Variants in FANCC observed in about 807,000 individuals in gnomAD.
FANCC encodes the protein Fanconi anemia group C protein.
In FANCC, 55 loss-of-function variants were observed where a neutral mutation model predicts 71.3. That is an observed-to-expected ratio of 0.77 (90% CI 0.62 to 0.97). FANCC has a LOEUF of 0.97. FANCC is among the 50% of genes least tolerant of loss of function. FANCC has a pLI of 0.00. For missense variants in FANCC, 678 were observed against 670.9 expected (o/e 1.01, Z -0.12); for synonymous variants, 275 against 244.9 (o/e 1.12, Z -1.15).
At chr9:95,106,920 C>G in intron 14 of FANCC, 146 bp downstream of exon 14, 1 of 790,556 alleles carries the variant, frequency 1.3e-6, no homozygotes, top group African/African-American at 1.7e-5. Flanking sequence ...GGGTCCATCC[C>G]AGCTGTCAAC....
intron 7 of FANCC, among the ~76,000 whole-genome samples, chr9:95,147,772 A>G (rs556016207): frequency 1.3e-5 from 2 of 152,290 alleles, no homozygotes; most frequent in East Asian, 1.9e-4. Context: ...GAGTCTGAAG[A>G]AAAAAAATTT....
At position 95,107,263 on chromosome 9, in the gene FANCC, C is replaced by T. The variant is rs1564641759; in HGVS notation, c.1336G>A (p.Val446Met). Residue 446 changes from valine to methionine, a missense_variant, in exon 14 of 15, where the codon GTG becomes ATG. Coordinates refer to ENST00000289081, the MANE Select transcript of FANCC (RefSeq NM_000136.3). ...AGGAGGTGGCCCAGCACGGCCTTCACCTGGACCTGGGCAATAGTATTTCAC... is the reference window on the plus strand; with the variant it reads ...AGGAGGTGGCCCAGCACGGCCTTCATCTGGACCTGGGCAATAGTATTTCAC... The part of the protein sequence containing the change: ...RQQRAQTMVQ[V>M]KAVLGHLLAM... 8 of 1,613,712 alleles carry T rather than the reference C, an allele frequency of 5.0e-6. No homozygotes were observed. The highest frequency in any genetic ancestry group is 6.8e-6 in the Non-Finnish European group (8 of 1,179,954).
intron 1 of FANCC, among the ~76,000 whole-genome samples, chr9:95,266,821 T>C (rs982376437): frequency 2.0e-5 from 3 of 152,162 alleles, no homozygotes; most frequent in Admixed American, 2.0e-4. Context: ...ATAGGAAGCG[T>C]TCTTGTGGTT....
chr9:95,232,503 T>C (rs1285519293), intron 4 of FANCC, among the ~76,000 whole-genome samples: 1 of 152,204 alleles, frequency 6.6e-6, no homozygotes, highest in Non-Finnish European at 1.5e-5. Context: ...TTTAAGAAAC[T>C]GAAAGTACTT....
chr9:95,111,753 G>A (rs1263123973), intron 12 of FANCC, 116 bp from the exon 13 acceptor site: 1 of 1,156,918 alleles, frequency 8.6e-7, no homozygotes, highest in Non-Finnish European at 1.3e-6. Context: ...ATCCACTGAA[G>A]TGCAACCTGC....
At chr9:95,114,324 A>G in intron 12 of FANCC, 1 of 395,364 alleles carries the variant, frequency 2.5e-6, no homozygotes, top group Non-Finnish European at 4.8e-6. Context: ...GCTTTTTCCA[A>G]GGCCTCTTCT....
intron 7 of FANCC, among the ~76,000 whole-genome samples, chr9:95,145,783 G>T (rs1246583167): frequency 6.6e-6 from 1 of 152,188 alleles, no homozygotes; most frequent in Non-Finnish European, 1.5e-5. Context: ...CCACAGGACT[G>T]TGCTCCAGAG....
chr9:95,111,275 G>A (rs1207567144), intron 13 of FANCC, 188 bp downstream of exon 13: 1 of 1,557,002 alleles, frequency 6.4e-7, no homozygotes, highest in African/African-American at 1.4e-5. Flanking sequence ...CACCTCGGTG[G>A]GGACAGGAGA....
intron 6 of FANCC, among the ~76,000 whole-genome samples, chr9:95,163,314 C>G (rs910327197): frequency 1.3e-5 from 2 of 152,156 alleles, no homozygotes; most frequent in African/African-American, 4.8e-5. Flanking sequence ...TATGCCAGTA[C>G]CACACTGTTT....
intron 14 of FANCC, among the ~76,000 whole-genome samples, chr9:95,106,765 A>G (rs890053924): frequency 6.6e-6 from 1 of 152,216 alleles, no homozygotes; most frequent in Non-Finnish European, 1.5e-5. Flanking sequence ...ACTGCGATGG[A>G]AAGAAATGTA....
chr9:95,210,566 C>T (rs369427573), intron 4 of FANCC, among the ~76,000 whole-genome samples: 10 of 152,080 alleles, frequency 6.6e-5, no homozygotes, highest in African/African-American at 2.4e-4. Context: ...CTTAATCCAA[C>T]AATCCTACGA....
At chr9:95,273,924 A>G (rs1278257345) in intron 1 of FANCC, among the ~76,000 whole-genome samples, 1 of 152,228 alleles carries the variant, frequency 6.6e-6, no homozygotes, top group Non-Finnish European at 1.5e-5. Flanking sequence ...AGAGTGATAC[A>G]GCTCTTTTAG....
intron 13 of FANCC, 187 bp downstream of exon 13, chr9:95,111,276 G>T (rs1255057713): frequency 3.9e-6 from 6 of 1,557,610 alleles, no homozygotes; most frequent in Non-Finnish European, 5.2e-6. Flanking sequence ...ACCTCGGTGG[G>T]GACAGGAGAA....
At position 95,217,557 on chromosome 9, in the gene FANCC, AT is replaced by A. The variant is rs557374197; in HGVS notation, c.345+23091del. Among the ~76,000 whole-genome samples the A allele has an allele frequency of 3.2e-3, 482 of 151,796 alleles. 2 individuals carry two copies. Among genetic ancestry groups the A allele is most frequent in the Non-Finnish European group, 5.0e-3 (337 of 67,896 alleles). On this transcript the variant is annotated intron_variant, in intron 4 of 14. Coordinates refer to ENST00000289081, the MANE Select transcript of FANCC (RefSeq NM_000136.3). ...AAGAAATCACAAGGAAAATTAGTAA[AT>A]TTTTTTTAACTAAATTTAAATAAAA... is the stretch of plus-strand genomic sequence containing the variant.
At chr9:95,254,280 A>T (rs146257285) in intron 1 of FANCC, among the ~76,000 whole-genome samples, 2 of 152,382 alleles carry the variant, frequency 1.3e-5, no homozygotes, top group East Asian at 3.9e-4. Flanking sequence ...AAACCTCCAC[A>T]GGCTGGCAAG....
intron 1 of FANCC, among the ~76,000 whole-genome samples, chr9:95,301,687 G>A (rs947343315): frequency 1.3e-5 from 2 of 152,070 alleles, no homozygotes; most frequent in Non-Finnish European, 2.9e-5. Flanking sequence ...GATTACAGGC[G>A]TGAGTTGCCA....
At chr9:95,262,944 G>C (rs1832143592) in intron 1 of FANCC, among the ~76,000 whole-genome samples, 1 of 152,206 alleles carries the variant, frequency 6.6e-6, no homozygotes, top group Non-Finnish European at 1.5e-5. Context: ...CATGAGGGGA[G>C]ACAGTAATGG....
At chr9:95,178,152 T>C (rs1252140947) in intron 4 of FANCC, among the ~76,000 whole-genome samples, 1 of 152,118 alleles carries the variant, frequency 6.6e-6, no homozygotes, top group East Asian at 1.9e-4. Context: ...TGGACACCCC[T>C]GCTCTAGTCT....
intron 7 of FANCC, among the ~76,000 whole-genome samples, chr9:95,141,053 T>C (rs1248439651): frequency 3.3e-5 from 5 of 152,124 alleles, no homozygotes; most frequent in African/African-American, 1.2e-4. Flanking sequence ...CTCAGGCCTG[T>C]AGTCTCAGCA....
Sources: allele counts gnomAD v4.1 joint callset (sites outside exome capture counted in the v4.1 genomes callset), GRCh38; gene constraint gnomAD v4.1.1; transcripts MANE v1.5; gene names NCBI Gene and HGNC (gene_info 2026-07-23, HGNC 2026-07-21).